The following MCF2L2 variants were observed in gnomAD, a reference collection of about 807,000 sequenced individuals.
MCF2L2 encodes probable guanine nucleotide exchange factor MCF2L2.
In MCF2L2, 102 loss-of-function variants were observed where a neutral mutation model predicts 150.2. The ratio of observed to expected loss-of-function variants is 0.68; its 90% CI spans 0.58 to 0.80. The LOEUF (loss-of-function observed/expected upper bound fraction) is 0.80, where lower values mean the gene tolerates loss of function less well. MCF2L2 is among the 30% of genes least tolerant of loss of function. MCF2L2 has a pLI of 0.00. For missense variants in MCF2L2, 1,256 were observed against 1,372.8 expected, an observed-to-expected ratio of 0.91 and a Z score of 1.34; for synonymous variants, 465 against 491.3, an observed-to-expected ratio of 0.95 and a Z score of 0.71.
At chr3:183,359,707 T>G (rs969274998) in intron 3 of MCF2L2, among the ~76,000 whole-genome samples, 4 of 151,844 alleles carry the variant, frequency 2.6e-5, no homozygotes. Context: ...AAGGCACGGG[T>G]GTGGAGGTTT....
chr3:183,203,405 C>G (rs1225401709), intron 25 of MCF2L2, among the ~76,000 whole-genome samples: 5 of 152,086 alleles, frequency 3.3e-5, no homozygotes, highest in Non-Finnish European at 7.4e-5. Context: ...AAGGACGAAA[C>G]AGAAATTCTA....
chr3:183,203,103 C>T (rs755028070), intron 25 of MCF2L2, among the ~76,000 whole-genome samples: 7 of 152,104 alleles, frequency 4.6e-5, no homozygotes, highest in Admixed American at 2.0e-4. Flanking sequence ...ATCCCAGCTA[C>T]TCGGGAGGCT....
At chr3:183,199,251 T>G (rs1560336838) in intron 25 of MCF2L2, among the ~76,000 whole-genome samples, 1 of 152,132 alleles carries the variant, frequency 6.6e-6, no homozygotes, top group African/African-American at 2.4e-5. Flanking sequence ...AAGAAAAAAG[T>G]TATCTTTTCA....
chr3:183,326,578 A>G (rs1398728944), intron 5 of MCF2L2, among the ~76,000 whole-genome samples: 1 of 152,020 alleles, frequency 6.6e-6, no homozygotes, highest in Non-Finnish European at 1.5e-5. Context: ...AAGAAGTTGC[A>G]AAGATAATTA....
At chr3:183,259,034 T>C (rs1449755735) in intron 15 of MCF2L2, among the ~76,000 whole-genome samples, 3 of 152,240 alleles carry the variant, frequency 2.0e-5, no homozygotes, top group Non-Finnish European at 4.4e-5. Flanking sequence ...ATAAATTTTT[T>C]TTTCAAATGT....
At chr3:183,277,337 CAAA>C (rs540729678) in intron 14 of MCF2L2, among the ~76,000 whole-genome samples, 3 of 105,858 alleles carry the variant, frequency 2.8e-5, no homozygotes, top group African/African-American at 3.4e-5. Context: ...ATGCCATATC[CAAA>C]AAAAAAAAAA....
At chr3:183,337,552 C>CAAAAAAAA (rs61184812) in intron 5 of MCF2L2, among the ~76,000 whole-genome samples, 4 of 71,948 alleles carry the variant, frequency 5.6e-5, no homozygotes, top group African/African-American at 1.8e-4. Flanking sequence ...GACTCCATCT[C>CAAAAAAAA]AAAAAAAAAA....
intron 21 of MCF2L2, among the ~76,000 whole-genome samples, chr3:183,216,568 ATATATATATATATTTTTTTTTTTT>A (rs1228136601): frequency 2.3e-3 from 16 of 7,000 alleles, no homozygotes; most frequent in Middle Eastern, 0.033. Context: ...ATATATATAT[ATATATATATATATTTTTTTTTTTT>A]TTTTTTTTTT....
chr3:183,354,251 C>CA (rs887887308), intron 3 of MCF2L2, among the ~76,000 whole-genome samples: 4 of 152,180 alleles, frequency 2.6e-5, no homozygotes, highest in African/African-American at 9.7e-5. Context: ...ATTTTTTCTG[C>CA]AAAATATATT....
chr3:183,352,912 C>T (rs1336934289), intron 3 of MCF2L2, among the ~76,000 whole-genome samples: 3 of 152,248 alleles, frequency 2.0e-5, no homozygotes, highest in East Asian at 3.9e-4. Context: ...TATTTGTAGG[C>T]AAAATCTACT....
chr3:183,321,147 A>G (rs192014543), intron 6 of MCF2L2, among the ~76,000 whole-genome samples: 5 of 152,286 alleles, frequency 3.3e-5, no homozygotes, highest in African/African-American at 7.2e-5. Flanking sequence ...TGTTACAAAT[A>G]TAACAGTTGG....
At position 183,197,654 on chromosome 3, in the gene MCF2L2, T is replaced by C. The variant is rs145281975; in HGVS notation, c.2885-2399A>G. Among the ~76,000 whole-genome samples, 1,549 of 152,250 alleles carry C rather than the reference T, an allele frequency of 0.01. 97 individuals are homozygous for C. The highest frequency in any genetic ancestry group is 0.094 in the Admixed American group (1,440 of 15,270). On this transcript the variant is annotated intron_variant, in intron 25 of 29. Transcript: ENST00000328913. The surrounding 1 kb of genome is among the most constrained non-coding windows in gnomAD (Gnocchi z 4.5). ...AAGTCTTTTGCTCTTCAAAAGTCAC[T>C]CTTAAGAGAAAAAGATGCCACACAC...
rs893337082 is a variant in MCF2L2 at position 183,271,104 on chromosome 3, A to G, written c.1862+5768T>C. On this transcript the variant is annotated intron_variant, in intron 15 of 29. Coordinates refer to ENST00000328913, the MANE Select transcript of MCF2L2 (RefSeq NM_015078.4). ...TTCTAGAAGCTGTTTAATATCACTT[A>G]TCTACTTCATTGCCTAAGTTCATTT... 12 of 554,960 alleles carry G rather than the reference A, an allele frequency of 2.2e-5. No individual in the cohort carries two copies. In the African/African-American group the frequency reaches 2.4e-4, roughly 11 times the overall value. The allele number at this position is 554,960 out of a possible 1,614,324, so 34.4% of individuals were successfully genotyped here.
chr3:183,368,616 T>C (rs1712678858), intron 3 of MCF2L2, among the ~76,000 whole-genome samples: 1 of 152,020 alleles, frequency 6.6e-6, no homozygotes, highest in African/African-American at 2.4e-5. Context: ...ATACAAAAAT[T>C]AGCCAGGCGT....
At chr3:183,228,080 A>C in intron 18 of MCF2L2, 1 of 470,088 alleles carries the variant, frequency 2.1e-6, no homozygotes, top group Non-Finnish European at 3.8e-6. Flanking sequence ...ACTTGATTGC[A>C]GTAATCATTT....
intron 13 of MCF2L2, among the ~76,000 whole-genome samples, chr3:183,293,689 T>C (rs775038713): frequency 1.3e-5 from 2 of 152,216 alleles, no homozygotes; most frequent in Non-Finnish European, 2.9e-5. Context: ...GCTCTCACCA[T>C]TTCTATTTGA....
chr3:183,424,591 C>G (rs983762177), intron 1 of MCF2L2, among the ~76,000 whole-genome samples: 1 of 152,068 alleles, frequency 6.6e-6, no homozygotes, highest in East Asian at 1.9e-4. Context: ...AGTCTAGAAG[C>G]AGAGCAGGTT....
chr3:183,390,302 C>T (rs1714070020), intron 1 of MCF2L2, among the ~76,000 whole-genome samples: 1 of 152,126 alleles, frequency 6.6e-6, no homozygotes, highest in African/African-American at 2.4e-5. Flanking sequence ...TTCCAGAATA[C>T]TTTAAGGGGC....
chr3:183,244,201 T>A (rs1307123965), intron 15 of MCF2L2, among the ~76,000 whole-genome samples: 1 of 135,944 alleles, frequency 7.4e-6, no homozygotes, highest in East Asian at 2.1e-4. Flanking sequence ...TACCAAAATC[T>A]GATTAAAAAA....
Sources: allele counts gnomAD v4.1 joint callset (sites outside exome capture counted in the v4.1 genomes callset), GRCh38; gene constraint gnomAD v4.1.1; non-coding constraint Gnocchi (gnomAD v3.1); transcripts MANE v1.5; gene names NCBI Gene and HGNC (gene_info 2026-07-23, HGNC 2026-07-21).